PRTG: variants seen among roughly 807,000 people sequenced by gnomAD.
PRTG encodes protogenin.
A neutral mutation model predicts 122.5 loss-of-function variants in PRTG; 67 were observed. That is an observed-to-expected ratio of 0.55 (90% confidence interval 0.45 to 0.67). The LOEUF (loss-of-function observed/expected upper bound fraction) is 0.67. PRTG is among the 30% of genes least tolerant of loss of function. The pLI is 0.00. For missense variants in PRTG, 1,435 were observed against 1,415.4 expected, an observed-to-expected ratio of 1.01 and a Z score of -0.22; for synonymous variants, 554 against 501.1, an observed-to-expected ratio of 1.11 and a Z score of -1.41.
At position 55,739,257 on chromosome 15, in the gene PRTG, T is replaced by G. The variant is rs555014807; in HGVS notation, c.397+1125A>C. Among the ~76,000 whole-genome samples the G allele has an allele frequency of 3.2e-3, 386 of 119,934 alleles. 2 individuals carry two copies. Among genetic ancestry groups the G allele is most frequent in the Non-Finnish European group, 5.6e-3 (275 of 49,452 alleles). The allele number at this position is 119,934 out of a possible 152,430, so 78.7% of individuals were successfully genotyped here. Reference sequence around the variant, plus strand: ...TACTATTTCCTAAATATTATGGTGGTTTTGTATTTTTTTTTTTTTTTCCTT... The same window carrying G: ...TACTATTTCCTAAATATTATGGTGGGTTTGTATTTTTTTTTTTTTTTCCTT... On this transcript the variant is annotated intron_variant, in intron 2 of 19. Transcript: ENST00000389286.
intron 2 of PRTG, among the ~76,000 whole-genome samples, chr15:55,689,499 TGG>T (rs1306632261): frequency 6.6e-6 from 1 of 151,768 alleles, no homozygotes; most frequent in Non-Finnish European, 1.5e-5. Flanking sequence ...GGAGGGAGTC[TGG>T]GGGAGGGATA....
chr15:55,633,292 T>C (rs1023524637), intron 15 of PRTG, among the ~76,000 whole-genome samples: 6 of 152,092 alleles, frequency 3.9e-5, no homozygotes, highest in African/African-American at 1.4e-4. Context: ...TCACTGCAAC[T>C]GCTGTCTCCT....
In PRTG at chr15:55,611,789, C is replaced by T. The variant is rs2059121481; in HGVS notation, c.*8223G>A. Reference sequence around the variant, plus strand: ...TAAGAAGACATTAAAAAGATACATTCAAAATCAAGGCAAACATTTGCTTTC... The same window carrying T: ...TAAGAAGACATTAAAAAGATACATTTAAAATCAAGGCAAACATTTGCTTTC... On this transcript the variant is annotated 3_prime_UTR_variant, in exon 20 of 20. Transcript: ENST00000389286. 1 of 151,738 alleles carries T rather than the reference C, an allele frequency of 6.6e-6. No individual in the cohort carries two copies. Among genetic ancestry groups the T allele is most frequent in the Non-Finnish European group, 1.5e-5 (1 of 67,848 alleles). The allele number at this position is 151,738 out of a possible 1,614,324, so 9.4% of individuals were successfully genotyped here.
At position 55,680,092 on chromosome 15, in the gene PRTG, C is replaced by A. The variant is rs1283248638; in HGVS notation, c.935G>T (p.Arg312Leu). ...YVCRATTPGT[R>L]NFTVAMATLT... Reference sequence around the variant, plus strand: ...AGTTGCCATAGCAACTGTAAAGTTGCGTGTGCCAGGGGTAGTGGCCCGACA... The same window carrying A: ...AGTTGCCATAGCAACTGTAAAGTTGAGTGTGCCAGGGGTAGTGGCCCGACA... Residue 312 changes from arginine to leucine, a missense_variant, in exon 6 of 20, where the codon CGC becomes CTC. Transcript: ENST00000389286. 6.2e-7 allele frequency: 1 copy of A among 1,613,552 alleles called. No individual in the cohort carries two copies.
chr15:55,729,987 A>T (rs1201985190), intron 2 of PRTG, among the ~76,000 whole-genome samples: 1 of 152,260 alleles, frequency 6.6e-6, no homozygotes, highest in Admixed American at 6.5e-5. Flanking sequence ...AATTTATTTT[A>T]AAAATCACCT....
intron 2 of PRTG, among the ~76,000 whole-genome samples, chr15:55,712,229 G>C (rs1359035695): frequency 6.6e-6 from 1 of 152,244 alleles, no homozygotes; most frequent in Non-Finnish European, 1.5e-5. Context: ...AACTCTAGAG[G>C]GTTAATGAAT....
At chr15:55,689,718 G>A (rs2059590048) in intron 2 of PRTG, among the ~76,000 whole-genome samples, 1 of 151,838 alleles carries the variant, frequency 6.6e-6, no homozygotes, top group Non-Finnish European at 1.5e-5. Context: ...ACGAGGTCAG[G>A]AGATCGAGAC....
chr15:55,628,222 T>C (rs1013651131), intron 16 of PRTG, among the ~76,000 whole-genome samples: 6 of 152,112 alleles, frequency 3.9e-5, no homozygotes, highest in African/African-American at 1.4e-4. Flanking sequence ...GCAGCCCCTC[T>C]TCTCCACAAG....
chr15:55,620,879 TTTTTA>T (rs1479525876), intron 18 of PRTG, 112 bp from the exon 19 acceptor site: 3 of 925,356 alleles, frequency 3.2e-6, no homozygotes, highest in African/African-American at 1.7e-5. Flanking sequence ...TCCCTTTTCA[TTTTTA>T]TTTTATTTTA....
At chr15:55,741,393 C>A (rs2031602361) in intron 1 of PRTG, among the ~76,000 whole-genome samples, 1 of 152,062 alleles carries the variant, frequency 6.6e-6, no homozygotes, top group Non-Finnish European at 1.5e-5. Flanking sequence ...GAACTACCAA[C>A]TGTTGGAAAA....
At chr15:55,738,019 T>TACACACAC (rs1555438599) in intron 2 of PRTG, among the ~76,000 whole-genome samples, 36 of 114,854 alleles carry the variant, frequency 3.1e-4, no homozygotes, top group Non-Finnish European at 4.4e-4. Flanking sequence ...TATATATATA[T>TACACACAC]ATATATACAC....
chr15:55,686,576 T>C (rs1463565866), intron 2 of PRTG, among the ~76,000 whole-genome samples: 1 of 152,140 alleles, frequency 6.6e-6, no homozygotes, highest in Admixed American at 6.6e-5. Context: ...ATTCAGGCCC[T>C]TATCATATCC....
At chr15:55,707,944 A>G (rs1178853085) in intron 2 of PRTG, among the ~76,000 whole-genome samples, 2 of 152,162 alleles carry the variant, frequency 1.3e-5, no homozygotes, top group African/African-American at 4.8e-5. Context: ...GTTTCTTTCA[A>G]GGAAATGATC....
chr15:55,623,248 AT>A (rs986702093), intron 18 of PRTG, among the ~76,000 whole-genome samples: 1 of 151,430 alleles, frequency 6.6e-6, no homozygotes, highest in African/African-American at 2.4e-5. Flanking sequence ...ATCATCTTGG[AT>A]TTTTTTTTGT....
chr15:55,679,263 G>C lies in PRTG; in HGVS notation c.1133+23C>G, dbSNP rs746715341. On this transcript the variant is annotated intron_variant, in intron 7 of 19. Transcript: ENST00000389286. Reference sequence around the variant, plus strand: ...AAAGCCATTATATCATATATAAAATGGTAGCAAAGTTACACAGCCTACCTG... The same window carrying C: ...AAAGCCATTATATCATATATAAAATCGTAGCAAAGTTACACAGCCTACCTG... 4 of 1,540,824 alleles carry C rather than the reference G, an allele frequency of 2.6e-6. No homozygotes were observed. The East Asian group carries it at 6.8e-5, about 26-fold the overall frequency.
intron 2 of PRTG, among the ~76,000 whole-genome samples, chr15:55,720,977 G>A (rs1204197656): frequency 6.6e-6 from 1 of 151,972 alleles, no homozygotes; most frequent in Non-Finnish European, 1.5e-5. Flanking sequence ...ACATCCCACA[G>A]TCACCGAAAA....
intron 14 of PRTG, 25 bp downstream of exon 14, chr15:55,638,524 A>G: frequency 6.4e-7 from 1 of 1,565,304 alleles, no homozygotes; most frequent in Non-Finnish European, 8.7e-7. Context: ...TAAAGATAAA[A>G]TCTATAGGGA....
Position 55,680,071 on chromosome 15 carries a change from G to T in PRTG, c.956C>A (p.Ala319Glu), listed in dbSNP as rs1375857779. 3 of 1,613,524 alleles carry T rather than the reference G, an allele frequency of 1.9e-6. No homozygotes were observed. In the South Asian group the frequency reaches 3.3e-5, roughly 18 times the overall value. The change falls in exon 6 of 20, where the codon GCA (alanine) becomes GAA (glutamate). Residue 319 changes from alanine (A) to glutamate (E), a missense_variant. Transcript: ENST00000389286. Reference sequence around the variant, plus strand: ...GAACATACCTAATACAGTTAAAGTTGCCATAGCAACTGTAAAGTTGCGTGT... The same window carrying T: ...GAACATACCTAATACAGTTAAAGTTTCCATAGCAACTGTAAAGTTGCGTGT... ...PGTRNFTVAM[A>E]TLTVLAPPSF...
chr15:55,628,178 G>A (rs1595602665), intron 16 of PRTG, among the ~76,000 whole-genome samples: 1 of 151,936 alleles, frequency 6.6e-6, no homozygotes, highest in East Asian at 1.9e-4. Context: ...CCTTAATCCT[G>A]CCCTGAGTTC....
Sources: gnomAD v4.1 joint callset for allele counts (sites outside exome capture counted in the v4.1 genomes callset) on GRCh38, gnomAD v4.1.1 for gene constraint, MANE v1.5 for transcripts, NCBI Gene and HGNC (gene_info 2026-07-23, HGNC 2026-07-21) for gene names.